The following RNF43 variants were observed in gnomAD, a reference collection of about 807,000 sequenced individuals.
RNF43 encodes the protein ring finger protein 43, also known as E3 ubiquitin-protein ligase RNF43.
A neutral mutation model predicts 78.4 loss-of-function variants in RNF43; 37 were observed. The ratio of observed to expected loss-of-function variants is 0.47; its 90% CI spans 0.36 to 0.62. The LOEUF (loss-of-function observed/expected upper bound fraction) is 0.62, where lower values mean the gene tolerates loss of function less well. Among genes scored for constraint, RNF43 ranks in the 20% least tolerant of loss-of-function variants. The pLI is 0.00. For missense variants in RNF43, 774 were observed against 1,007.9 expected, an observed-to-expected ratio of 0.77 and a Z score of 3.14; for synonymous variants, 347 against 395.0, an observed-to-expected ratio of 0.88 and a Z score of 1.44.
rs1011758237 is a variant in RNF43, at chr17:58,358,892, A to G, written c.953-69T>C. ...CTACAGAGAATGCATTCAGAAAGAC[A>G]TGGCTGTAGCTAATCTATTTGACCC... On this transcript the variant is annotated intron_variant, in intron 8 of 9. Transcript: ENST00000407977. The surrounding 1 kb of genome is among the most constrained non-coding windows in gnomAD (Gnocchi z 6.2). The G allele has an allele frequency of 9.3e-6, 13 of 1,391,998 alleles. No individual in the cohort carries two copies. The Admixed American group carries it at 1.2e-4, about 13-fold the overall frequency. The allele number at this position is 1,391,998 out of a possible 1,614,324, so 86.2% of individuals were successfully genotyped here.
chr17:58,363,632 G>C (rs1972889989), intron 3 of RNF43, 32 bp from the exon 4 acceptor site: 1 of 1,589,472 alleles, frequency 6.3e-7, no homozygotes, highest in East Asian at 2.2e-5. Flanking sequence ...GTTGGGCTGA[G>C]GTCAGGGAAG....
intron 2 of RNF43, among the ~76,000 whole-genome samples, chr17:58,396,249 G>T (rs1335619273): frequency 6.6e-6 from 1 of 152,110 alleles, no homozygotes; most frequent in Admixed American, 6.5e-5. Context: ...AGTGGGCATG[G>T]ATTTTCAAAT....
At chr17:58,393,491 T>C (rs1453469789) in intron 2 of RNF43, among the ~76,000 whole-genome samples, 1 of 152,210 alleles carries the variant, frequency 6.6e-6, no homozygotes. Flanking sequence ...ATGATACACA[T>C]AACATGCAAA....
At chr17:58,362,005 G>C (rs897517989) in intron 6 of RNF43, among the ~76,000 whole-genome samples, 13 of 151,822 alleles carry the variant, frequency 8.6e-5, no homozygotes, top group Admixed American at 6.6e-5. Flanking sequence ...AGAATTGCTT[G>C]AACCCAGGAG....
At chr17:58,367,369 CTA>C (rs1169712235) in intron 3 of RNF43, among the ~76,000 whole-genome samples, 1 of 152,096 alleles carries the variant, frequency 6.6e-6, no homozygotes, top group Non-Finnish European at 1.5e-5. Context: ...CCTCAAAACT[CTA>C]TAAGATAGTC....
intron 2 of RNF43, among the ~76,000 whole-genome samples, chr17:58,381,612 T>A (rs1430351595): frequency 1.3e-5 from 2 of 152,226 alleles, no homozygotes; most frequent in Non-Finnish European, 2.9e-5. Context: ...TGGGTCTCTA[T>A]GGATGGTGCC....
At chr17:58,413,506 AAAGTCTTTGCT>A (rs530152292) in intron 2 of RNF43, among the ~76,000 whole-genome samples, 78 of 152,202 alleles carry the variant, frequency 5.1e-4, no homozygotes, top group Non-Finnish European at 1.1e-3. Flanking sequence ...GTAAAGGCTG[AAAGTCTTTGCT>A]AAGTTATGAT....
intron 8 of RNF43, among the ~76,000 whole-genome samples, chr17:58,359,531 G>A (rs914879881): frequency 1.6e-4 from 24 of 152,002 alleles, no homozygotes; most frequent in South Asian, 2.1e-4. Context: ...GTGAACCTGG[G>A]AGGCGGAGCT....
At chr17:58,383,376 A>G (rs551470863) in intron 2 of RNF43, among the ~76,000 whole-genome samples, 1 of 151,824 alleles carries the variant, frequency 6.6e-6, no homozygotes, top group East Asian at 1.9e-4. Context: ...TGGTGCCTCG[A>G]CCTCCCAGGC....
At position 58,357,334 on chromosome 17, in the gene RNF43, A is replaced by T; in HGVS notation, c.2308+134T>A. On this transcript the variant is annotated intron_variant, in intron 9 of 9. Transcript: ENST00000407977. The surrounding 1 kb of genome is among the most constrained non-coding windows in gnomAD (Gnocchi z 4.5). Reference sequence around the variant, plus strand: ...AGCATGATACGCTGTCCCGATGGTTAAGTATTTTGGTTGTCATCTCTGCTG... The same window carrying T: ...AGCATGATACGCTGTCCCGATGGTTTAGTATTTTGGTTGTCATCTCTGCTG... 2 of 1,109,318 alleles carry T rather than the reference A, an allele frequency of 1.8e-6. No homozygotes were observed. The highest frequency in any genetic ancestry group is 1.3e-5 in the South Asian group (1 of 79,028). The allele number at this position is 1,109,318 out of a possible 1,614,324, so 68.7% of individuals were successfully genotyped here.
intron 2 of RNF43, among the ~76,000 whole-genome samples, chr17:58,412,349 G>A (rs532965276): frequency 7.9e-5 from 12 of 152,252 alleles, no homozygotes; most frequent in African/African-American, 2.9e-4. Context: ...ATGGAAAAGA[G>A]AGGACTTGAG....
At chr17:58,382,809 C>A (rs56035454) in intron 2 of RNF43, among the ~76,000 whole-genome samples, 4 of 152,180 alleles carry the variant, frequency 2.6e-5, no homozygotes, top group African/African-American at 9.7e-5. Context: ...TTAGACAACA[C>A]ACAGGGCATG....
chr17:58,373,367 A>T (rs1973141672), intron 2 of RNF43, among the ~76,000 whole-genome samples: 1 of 152,186 alleles, frequency 6.6e-6, no homozygotes, highest in Non-Finnish European at 1.5e-5. Flanking sequence ...GGGAAAAAAA[A>T]CCTGGTATGA....
chr17:58,381,880 G>A (rs185462556), intron 2 of RNF43, among the ~76,000 whole-genome samples: 13 of 150,972 alleles, frequency 8.6e-5, no homozygotes, highest in Admixed American at 5.3e-4. Context: ...TCTTCCCATG[G>A]ACGTTTCCCT....
chr17:58,399,006 C>A (rs1973740875), intron 2 of RNF43, among the ~76,000 whole-genome samples: 1 of 152,176 alleles, frequency 6.6e-6, no homozygotes, highest in Non-Finnish European at 1.5e-5. Flanking sequence ...TTCTCCAGGT[C>A]CTCCCCACGC....
chr17:58,363,740 G>T, intron 3 of RNF43, 140 bp from the exon 4 acceptor site: 2 of 679,694 alleles, frequency 2.9e-6, no homozygotes, highest in Non-Finnish European at 4.9e-6. Flanking sequence ...ATCTACCTAT[G>T]CAAGGGGTCA....
Position 58,415,757 on chromosome 17 carries a change from T to A in RNF43, c.-180A>T. The A allele has an allele frequency of 1.5e-6, 1 of 658,746 alleles. No individual in the cohort carries two copies. Among genetic ancestry groups the A allele is most frequent in the South Asian group, 1.9e-5 (1 of 51,662 alleles). 40.8% of individuals were successfully genotyped at this position (658,746 alleles called of 1,614,324 possible). On this transcript the variant is annotated 5_prime_UTR_variant, in exon 2 of 10. An upstream start codon of the reference 5' UTR is lost. Coordinates refer to ENST00000407977, the MANE Select transcript of RNF43 (RefSeq NM_017763.6). ...AGTTTATTCCCAAAAACAGGTAGCA[T>A]TCCTGATTGGGCAGAGAAGAGGATA...
Position 58,362,544 on chromosome 17 carries a change from C to T in RNF43, c.687G>A (p.Pro229=), listed in dbSNP as rs779321417. 79 of 1,607,532 alleles carry T rather than the reference C, an allele frequency of 4.9e-5. No homozygotes were observed. Among genetic ancestry groups the T allele is most frequent in the Non-Finnish European group, 6.6e-5 (78 of 1,176,714 alleles). The change falls in exon 6 of 10, where the codon CCG becomes CCA. Residue 229 remains proline, a splice_region_variant and synonymous_variant. Coordinates refer to ENST00000407977, the MANE Select transcript of RNF43 (RefSeq NM_017763.6). ...CCGCCAAAGACCCCACACTGCTCAC[C>T]GGCCTGCTGTGGCGGGGGCGGCACC... ...RIRCRPRHSR[P]DPLQQRTAWA...
At chr17:58,416,349 T>A (rs996924082) in intron 1 of RNF43, 1 of 152,226 alleles carries the variant, frequency 6.6e-6, no homozygotes, top group Non-Finnish European at 1.5e-5. Flanking sequence ...AATTTATGTA[T>A]CTTCACACAT....
Sources: gnomAD v4.1 joint callset for allele counts (sites outside exome capture counted in the v4.1 genomes callset) on GRCh38, gnomAD v4.1.1 for gene constraint, Gnocchi (gnomAD v3.1) non-coding constraint, MANE v1.5 for transcripts, NCBI Gene and HGNC (gene_info 2026-07-23, HGNC 2026-07-21) for gene names.